Variants in CMC2 observed in about 807,000 individuals in gnomAD.
The protein encoded by CMC2 is COX assembly mitochondrial protein 2 homolog.
CMC2 carries 5 observed loss-of-function variants against 7.5 expected under a neutral mutation model. The ratio of observed to expected loss-of-function variants is 0.66; its 90% confidence interval spans 0.35 to 1.40. The LOEUF is 1.40. Among genes scored for constraint, CMC2 ranks in the 40% most tolerant of loss-of-function variants. The pLI is 0.04. For missense variants in CMC2, 115 were observed against 92.3 expected (o/e 1.25, Z -1.01); for synonymous variants, 37 against 31.4 (o/e 1.18, Z -0.60).
At chr16:80,990,151 A>C (rs147142108) in intron 2 of CMC2, among the ~76,000 whole-genome samples, 2 of 151,254 alleles carry the variant, frequency 1.3e-5, no homozygotes, top group African/African-American at 2.4e-5. Context: ...AAACAGCATG[A>C]ATTATACAAA....
At chr16:80,999,049 C>G (rs137896338) in intron 1 of CMC2, 1 of 152,186 alleles carries the variant, frequency 6.6e-6, no homozygotes, top group African/African-American at 2.4e-5. Context: ...ACAGGATGCC[C>G]GCTCTCACCA....
In CMC2 at chr16:80,991,086, G is replaced by T. The variant is rs367860516; in HGVS notation, c.81+6228C>A. On this transcript the variant is annotated intron_variant, in intron 2 of 3. Coordinates refer to ENST00000219400, the MANE Select transcript of CMC2 (RefSeq NM_020188.5). ...GAAAGACTCTCAGTGGCCAAAGCTG[G>T]AACAATTTGAGCAACAAAACAAAGT... Among the ~76,000 whole-genome samples, 64 of 151,292 alleles carry T rather than the reference G, an allele frequency of 4.2e-4. No individual in the cohort carries two copies. In the South Asian group the frequency reaches 0.013, roughly 32 times the overall value.
At chr16:80,994,803 C>CA (rs1272779033) in intron 2 of CMC2, among the ~76,000 whole-genome samples, 22 of 152,320 alleles carry the variant, frequency 1.4e-4, no homozygotes, top group African/African-American at 4.1e-4. Flanking sequence ...CTAGTCATTC[C>CA]ATTCCTAGGT....
chr16:80,973,055 G>A lies in CMC2; in HGVS notation c.*3038C>T, dbSNP rs888831042. On this transcript the variant is annotated 3_prime_UTR_variant, in exon 4 of 4. Coordinates refer to ENST00000219400, the MANE Select transcript of CMC2 (RefSeq NM_020188.5). ...CTCAGGAAAAAGTGCGCTTGCTCTA[G>A]ACAGGAGAAACAGATTTCACTCTGA... The A allele has an allele frequency of 3.9e-5, 6 of 152,288 alleles. No individual in the cohort carries two copies. The highest frequency in any genetic ancestry group is 2.0e-4 in the Admixed American group (3 of 15,290). 9.4% of individuals were successfully genotyped at this position (152,288 alleles called of 1,614,324 possible).
Position 80,968,338 on chromosome 16 carries a change from T to C in CMC2, c.*7755A>G, listed in dbSNP as rs2151600846. On this transcript the variant is annotated 3_prime_UTR_variant, in exon 4 of 4. Coordinates refer to ENST00000219400, the MANE Select transcript of CMC2 (RefSeq NM_020188.5). ...CTCCCACCTCGGCCTTCGAAAGTAC[T>C]GGGATTACAGGCGCAAGCCACCCCA... 6.6e-6 allele frequency: 1 copy of C among 152,436 alleles called. No individual in the cohort carries two copies. Among genetic ancestry groups the C allele is most frequent in the East Asian group, 1.9e-4 (1 of 5,186 alleles). The allele number at this position is 152,436 out of a possible 1,614,324, so 9.4% of individuals were successfully genotyped here.
chr16:81,003,705 C>T (rs1969029250), intron 1 of CMC2, among the ~76,000 whole-genome samples: 1 of 152,178 alleles, frequency 6.6e-6, no homozygotes, highest in African/African-American at 2.4e-5. Context: ...AAAAGGTAGT[C>T]ATTCTAGGCC....
chr16:81,005,136 A>G (rs1422456226), intron 1 of CMC2, among the ~76,000 whole-genome samples: 4 of 152,242 alleles, frequency 2.6e-5, no homozygotes, highest in East Asian at 1.9e-4. Context: ...TTTCTAAAAT[A>G]TATCTTTTTA....
rs1041719327 is a variant in CMC2, at chr16:80,970,477, A to C, written c.*5616T>G. 1.3e-5 allele frequency: 2 copies of C among 152,242 alleles called. No homozygotes were observed. The highest frequency in any genetic ancestry group is 4.8e-5 in the African/African-American group (2 of 41,470). The allele number at this position is 152,242 out of a possible 1,614,324, so 9.4% of individuals were successfully genotyped here. On this transcript the variant is annotated 3_prime_UTR_variant, in exon 4 of 4. Coordinates refer to ENST00000219400, the MANE Select transcript of CMC2 (RefSeq NM_020188.5). ...CTTAGGGAGGAACAGACATCTTCCAAAAACCTACTACAAATTTGCTACTTG... is the reference window on the plus strand; with the variant it reads ...CTTAGGGAGGAACAGACATCTTCCACAAACCTACTACAAATTTGCTACTTG...
intron 2 of CMC2, among the ~76,000 whole-genome samples, chr16:80,989,179 A>G (rs1033201096): frequency 6.6e-6 from 1 of 152,206 alleles, no homozygotes; most frequent in African/African-American, 2.4e-5. Context: ...TAACTATCCA[A>G]TTATTTCCTC....
intron 1 of CMC2, among the ~76,000 whole-genome samples, chr16:81,001,603 G>C (rs117485847): frequency 1.3e-5 from 2 of 152,158 alleles, no homozygotes; most frequent in East Asian, 3.9e-4. Flanking sequence ...CATTTAAATG[G>C]TTAAGATGGT....
chr16:80,993,948 C>A (rs1262071849), intron 2 of CMC2, among the ~76,000 whole-genome samples: 1 of 152,162 alleles, frequency 6.6e-6, no homozygotes, highest in African/African-American at 2.4e-5. Context: ...CTGAGACTTA[C>A]TACAAGGCAA....
At chr16:81,006,649 G>T in intron 1 of CMC2, 85 bp downstream of exon 1, 1 of 949,290 alleles carries the variant, frequency 1.1e-6, no homozygotes, top group Non-Finnish European at 1.3e-6. Flanking sequence ...CGGGCGGCAG[G>T]AAGGGGCTCG....
At position 81,006,771 on chromosome 16, in the gene CMC2, T is replaced by C. The variant is rs569956950; in HGVS notation, c.-73A>G. 1.0e-6 allele frequency: 1 copy of C among 985,504 alleles called. No individual in the cohort carries two copies. Among genetic ancestry groups the C allele is most frequent in the East Asian group, 1.1e-4 (1 of 8,796 alleles). 61.0% of individuals were successfully genotyped at this position (985,504 alleles called of 1,614,324 possible). The stretch of plus-strand genomic sequence containing the variant: ...CACACCGGGAGAACTGAAGCGGCAG[T>C]AGCCGGCGGAGACGCCCGACCCGAA... On this transcript the variant is annotated 5_prime_UTR_variant, in exon 1 of 4. Coordinates refer to ENST00000219400, the MANE Select transcript of CMC2 (RefSeq NM_020188.5).
In CMC2 at chr16:80,971,584, A is replaced by ATATATGTGTGTG. The variant is rs778193287; in HGVS notation, c.*4508_*4509insCACACACATATA. 7.2e-6 allele frequency: 1 copy of ATATATGTGTGTG among 139,546 alleles called. No homozygotes were observed. The highest frequency in any genetic ancestry group is 1.5e-5 in the Non-Finnish European group (1 of 66,284). The allele number at this position is 139,546 out of a possible 1,614,324, so 8.6% of individuals were successfully genotyped here. ...ACATTTTATATATATATATATATAT[A>ATATATGTGTGTG]TGTATGAAATCATGCATATATATAT... is the stretch of plus-strand genomic sequence containing the variant. On this transcript the variant is annotated 3_prime_UTR_variant, in exon 4 of 4. Coordinates refer to ENST00000219400, the MANE Select transcript of CMC2 (RefSeq NM_020188.5).
At chr16:81,003,965 G>C (rs962779578) in intron 1 of CMC2, among the ~76,000 whole-genome samples, 3 of 152,246 alleles carry the variant, frequency 2.0e-5, no homozygotes, top group African/African-American at 7.2e-5. Context: ...GCTCACGCCT[G>C]TAATCTCAGA....
At chr16:80,976,693 C>A (rs1273799744) in intron 3 of CMC2, among the ~76,000 whole-genome samples, 1 of 152,182 alleles carries the variant, frequency 6.6e-6, no homozygotes, top group Non-Finnish European at 1.5e-5. Flanking sequence ...GGTAGCCTGT[C>A]TAACTGTTGG....
chr16:80,980,802 G>C lies in CMC2; in HGVS notation c.153+1004C>G, dbSNP rs570372438. On this transcript the variant is annotated intron_variant, in intron 3 of 3. Coordinates refer to ENST00000219400, the MANE Select transcript of CMC2 (RefSeq NM_020188.5). ...CCTAGCTACTCAGGAGGCTGAGGTG[G>C]GAGGATCACTTGAGTTTGAGGCTTC... is the stretch of plus-strand genomic sequence containing the variant. The C allele has an allele frequency of 4.2e-4, 295 of 699,466 alleles. No homozygotes were observed. The African/African-American group carries it at 4.7e-3, about 11-fold the overall frequency. 43.3% of individuals were successfully genotyped at this position (699,466 alleles called of 1,614,324 possible).
intron 1 of CMC2, among the ~76,000 whole-genome samples, chr16:81,006,028 AG>A (rs1347060993): frequency 6.6e-6 from 1 of 152,188 alleles, no homozygotes; most frequent in Non-Finnish European, 1.5e-5. Context: ...TATAAAGGAG[AG>A]GAGATACGAA....
At position 80,968,894 on chromosome 16, in the gene CMC2, C is replaced by T. The variant is rs578146168; in HGVS notation, c.*7199G>A. 6.6e-6 allele frequency: 1 copy of T among 152,324 alleles called. No individual in the cohort carries two copies. The highest frequency in any genetic ancestry group is 1.9e-4 in the East Asian group (1 of 5,190). The allele number at this position is 152,324 out of a possible 1,614,324, so 9.4% of individuals were successfully genotyped here. Reference sequence around the variant, plus strand: ...ACACAATGGAAAAAGATGGAAGATACTGAGTCTCTACGAGGAATGGTGTGA... The same window carrying T: ...ACACAATGGAAAAAGATGGAAGATATTGAGTCTCTACGAGGAATGGTGTGA... On this transcript the variant is annotated 3_prime_UTR_variant, in exon 4 of 4. Coordinates refer to ENST00000219400, the MANE Select transcript of CMC2 (RefSeq NM_020188.5).
Sources: allele counts gnomAD v4.1 joint callset (sites outside exome capture counted in the v4.1 genomes callset), GRCh38; gene constraint gnomAD v4.1.1; transcripts MANE v1.5; gene names NCBI Gene and HGNC (gene_info 2026-07-23, HGNC 2026-07-21).